LRRC7: variants seen among roughly 807,000 people sequenced by gnomAD.
The protein encoded by LRRC7 is leucine-rich repeat-containing protein 7.
In LRRC7, 23 loss-of-function variants were observed where a neutral mutation model predicts 175.7. That is an observed-to-expected ratio of 0.13 (90% CI 0.09 to 0.19). The LOEUF (loss-of-function observed/expected upper bound fraction) is 0.19. LRRC7 is among the 10% of genes least tolerant of loss of function. The probability of loss-of-function intolerance (pLI) is 1.00; values close to 1 mark genes in which losing one functional copy is unlikely to be tolerated. For synonymous variants in LRRC7, 685 were observed against 680.9 expected (o/e 1.01, Z -0.09); for missense variants, 1,354 against 1,904.7 (o/e 0.71, Z 5.38).
chr1:69,651,941 A>T (rs947941932), intron 1 of LRRC7, among the ~76,000 whole-genome samples: 2 of 152,070 alleles, frequency 1.3e-5, no homozygotes, highest in Non-Finnish European at 2.9e-5. Context: ...TGGTCCAGTC[A>T]GCATGACTTG....
At chr1:69,749,615 T>G (rs185749295) in intron 2 of LRRC7, among the ~76,000 whole-genome samples, 1 of 152,176 alleles carries the variant, frequency 6.6e-6, no homozygotes, top group South Asian at 2.1e-4. Flanking sequence ...ATTTACAAAT[T>G]ATAATTACAA....
chr1:69,863,502 T>C (rs995601268), intron 7 of LRRC7, among the ~76,000 whole-genome samples: 12 of 152,194 alleles, frequency 7.9e-5, no homozygotes, highest in African/African-American at 2.9e-4. Context: ...ATTCATTCAT[T>C]AGAGCATTAT....
At position 69,760,266 on chromosome 1, in the gene LRRC7, A is replaced by G. The variant is rs1216235119; in HGVS notation, c.176A>G (p.Glu59Gly). 6.2e-7 allele frequency: 1 copy of G among 1,612,838 alleles called. No homozygotes were observed. The highest frequency in any genetic ancestry group is 1.7e-5 in the Admixed American group (1 of 59,808). Residue 59 changes from glutamate (E) to glycine (G), a missense_variant, in exon 3 of 27, where the codon GAA (glutamate) becomes GGA (glycine). Glu to Gly is a moderately conservative substitution (Grantham distance 98). Around this residue, in one of 4 missense-constraint regions of LRRC7, gnomAD observed 68 missense variants for 83.4 expected, o/e 0.82. Coordinates refer to ENST00000651989, the MANE Select transcript of LRRC7 (RefSeq NM_001370785.2). ...LVPCRCFRGE[E>G]EIISVLDYSH... ...CCATGCCGATGTTTCCGAGGTGAAG[A>G]AGAAATCATCTCAGTTTTAGATTAC...
intron 26 of LRRC7, among the ~76,000 whole-genome samples, chr1:70,110,386 A>T (rs1665445044): frequency 6.6e-6 from 1 of 152,186 alleles, no homozygotes; most frequent in South Asian, 2.1e-4. Flanking sequence ...TCTTAAAAAA[A>T]TAAAAAATAA....
At position 70,049,786 on chromosome 1, in the gene LRRC7, G is replaced by C. The variant is rs142099871; in HGVS notation, c.4111-3240G>C. On this transcript the variant is annotated intron_variant, in intron 22 of 26. Transcript: ENST00000651989. ...AATACCTATTTTTTCCAAAAGATAA[G>C]ATGGAAATGAATAATATAACAATAA... Among the ~76,000 whole-genome samples the C allele has an allele frequency of 2.2e-3, 330 of 152,106 alleles. 2 individuals carry two copies. Among genetic ancestry groups the C allele is most frequent in the African/African-American group, 7.8e-3 (323 of 41,530 alleles).
chr1:70,044,128 C>T, intron 22 of LRRC7, 34 bp downstream of exon 22: 4 of 1,599,424 alleles, frequency 2.5e-6, no homozygotes, highest in South Asian at 1.1e-5. Flanking sequence ...TGTCAGCATA[C>T]CAAAGCCAAT....
At chr1:69,820,753 G>T (rs1440203827) in intron 4 of LRRC7, among the ~76,000 whole-genome samples, 1 of 151,486 alleles carries the variant, frequency 6.6e-6, no homozygotes, top group Non-Finnish European at 1.5e-5. Flanking sequence ...TCTTTATCCA[G>T]TCTATCATTG....
chr1:69,732,675 T>C (rs1256572101), intron 2 of LRRC7, among the ~76,000 whole-genome samples: 1 of 152,096 alleles, frequency 6.6e-6, no homozygotes, highest in African/African-American at 2.4e-5. Context: ...GGGCTTTATA[T>C]ATACTTGCAA....
chr1:69,725,570 ATTCT>A (rs755281566), intron 2 of LRRC7, among the ~76,000 whole-genome samples: 4 of 152,218 alleles, frequency 2.6e-5, no homozygotes, highest in Non-Finnish European at 5.9e-5. Context: ...TGATGACAAG[ATTCT>A]TCAGATTCTG....
chr1:69,661,696 G>A lies in LRRC7; in HGVS notation c.3-16685G>A, dbSNP rs866821517. Among the ~76,000 whole-genome samples, 3 of 152,146 alleles carry A rather than the reference G, an allele frequency of 2.0e-5. No homozygotes were observed. The South Asian group carries it at 6.2e-4, about 32-fold the overall frequency. ...TCACCATGGGTAGGACCCAGAAGGAGAGCAGGCTGAAGGCAGAAGTCCAGG... is the reference window on the plus strand; with the variant it reads ...TCACCATGGGTAGGACCCAGAAGGAAAGCAGGCTGAAGGCAGAAGTCCAGG... On this transcript the variant is annotated intron_variant, in intron 1 of 26. Transcript: ENST00000651989.
chr1:69,573,459 T>G (rs1428850410), intron 1 of LRRC7, among the ~76,000 whole-genome samples: 1 of 152,214 alleles, frequency 6.6e-6, no homozygotes, highest in Admixed American at 6.5e-5. Flanking sequence ...AAAATACTGT[T>G]GCTTATTATC....
chr1:70,086,110 CTTATTTAT>C (rs947139543), intron 24 of LRRC7, among the ~76,000 whole-genome samples: 4 of 151,612 alleles, frequency 2.6e-5, no homozygotes, highest in Non-Finnish European at 5.9e-5. Flanking sequence ...AGCCTTTATT[CTTATTTAT>C]TTATTTATTT....
At chr1:69,888,156 C>T (rs1412305542) in intron 7 of LRRC7, among the ~76,000 whole-genome samples, 7 of 149,964 alleles carry the variant, frequency 4.7e-5, no homozygotes, top group Admixed American at 2.0e-4. Flanking sequence ...CCAGTTTGAG[C>T]TTCCTGGCTG....
chr1:69,738,961 G>A (rs1346268246), intron 2 of LRRC7, among the ~76,000 whole-genome samples: 7 of 151,964 alleles, frequency 4.6e-5, no homozygotes, highest in African/African-American at 1.7e-4. Context: ...GAGGAAAATC[G>A]GACTATCATT....
intron 4 of LRRC7, among the ~76,000 whole-genome samples, chr1:69,806,773 T>G (rs1298845491): frequency 6.6e-6 from 1 of 152,002 alleles, no homozygotes; most frequent in African/African-American, 2.4e-5. Flanking sequence ...TTCTTTTTAG[T>G]GTATGTGGCT....
chr1:69,599,057 A>C (rs1646951755), intron 1 of LRRC7, among the ~76,000 whole-genome samples: 1 of 152,174 alleles, frequency 6.6e-6, no homozygotes, highest in South Asian at 2.1e-4. Context: ...TATAAAGTAG[A>C]AAAAAGAAAA....
rs1255336646 is a variant in LRRC7, at chr1:69,857,328, C to T, written c.647+19045C>T. Among the ~76,000 whole-genome samples, 10 of 152,310 alleles carry T rather than the reference C, an allele frequency of 6.6e-5. No individual in the cohort carries two copies. The East Asian group carries it at 1.9e-3, about 29-fold the overall frequency. ...AGGAAAAGAGGAAGTCAAATTATCC[C>T]TGTTTGCAGATGACATGATTGCATA... On this transcript the variant is annotated intron_variant, in intron 7 of 26. Transcript: ENST00000651989.
At chr1:70,018,648 G>T in intron 14 of LRRC7, 71 bp from the exon 15 acceptor site, 1 of 991,638 alleles carries the variant, frequency 1.0e-6, no homozygotes, top group Non-Finnish European at 1.5e-6. Context: ...ATTTATCTGA[G>T]TGAGACCAGA....
intron 4 of LRRC7, among the ~76,000 whole-genome samples, chr1:69,822,554 C>G (rs1375794034): frequency 6.6e-6 from 1 of 152,184 alleles, no homozygotes; most frequent in African/African-American, 2.4e-5. Context: ...AGCCACTCAG[C>G]CTTGTTGATG....
Sources: allele counts gnomAD v4.1 joint callset (sites outside exome capture counted in the v4.1 genomes callset), GRCh38; gene constraint gnomAD v4.1.1; regional missense constraint gnomAD v4.1.1; transcripts MANE v1.5; gene names NCBI Gene and HGNC (gene_info 2026-07-23, HGNC 2026-07-21).